RBMS3: variants seen among roughly 807,000 people sequenced by gnomAD.
The protein encoded by RBMS3 is RNA-binding motif, single-stranded-interacting protein 3.
Under a neutral mutation model 66.8 loss-of-function variants are expected in RBMS3, and 27 were observed. That is an observed-to-expected ratio of 0.40 (90% CI 0.30 to 0.56). The LOEUF is 0.56. Among genes scored for constraint, RBMS3 ranks in the 20% least tolerant of loss-of-function variants. The pLI is 0.40. For synonymous variants in RBMS3, 188 were observed against 183.0 expected (o/e 1.03, Z -0.22); for missense variants, 513 against 549.5 (o/e 0.93, Z 0.66).
intron 4 of RBMS3, chr3:29,642,595 T>A (rs2049760789): frequency 6.6e-6 from 1 of 151,988 alleles, no homozygotes; most frequent in Non-Finnish European, 1.5e-5. Flanking sequence ...CTGCAAACAT[T>A]TAGTCACTAG....
At chr3:29,385,001 G>A (rs1395685221) in intron 1 of RBMS3, among the ~76,000 whole-genome samples, 1 of 151,952 alleles carries the variant, frequency 6.6e-6, no homozygotes, top group Non-Finnish European at 1.5e-5. Flanking sequence ...ATGTGTTGCC[G>A]AACAAACCTC....
chr3:29,398,955 C>T (rs1398552113), intron 1 of RBMS3, among the ~76,000 whole-genome samples: 1 of 152,106 alleles, frequency 6.6e-6, no homozygotes, highest in Non-Finnish European at 1.5e-5. Flanking sequence ...CTGGGAAATG[C>T]TTATTGTGAG....
chr3:29,644,027 G>A (rs1405181196), intron 4 of RBMS3, among the ~76,000 whole-genome samples: 1 of 152,168 alleles, frequency 6.6e-6, no homozygotes, highest in Non-Finnish European at 1.5e-5. Flanking sequence ...GCAGTATGCC[G>A]CTTCTACCCC....
chr3:29,862,930 A>G (rs1218753699), intron 6 of RBMS3, among the ~76,000 whole-genome samples: 2 of 151,944 alleles, frequency 1.3e-5, no homozygotes, highest in East Asian at 3.9e-4. Flanking sequence ...TAATAAAGAT[A>G]TGATGAAGGG....
intron 1 of RBMS3, among the ~76,000 whole-genome samples, chr3:29,386,818 A>G (rs1348273228): frequency 5.9e-5 from 9 of 152,170 alleles, no homozygotes; most frequent in Non-Finnish European, 1.3e-4. Flanking sequence ...AGCCACTTCA[A>G]TCATGTTTTC....
chr3:29,843,042 C>T (rs879333577), intron 6 of RBMS3, among the ~76,000 whole-genome samples: 5 of 152,142 alleles, frequency 3.3e-5, no homozygotes, highest in Non-Finnish European at 5.9e-5. Flanking sequence ...TCTTTTACTC[C>T]AATTTCTTTC....
At chr3:29,846,094 G>A (rs1233579967) in intron 6 of RBMS3, among the ~76,000 whole-genome samples, 1 of 151,056 alleles carries the variant, frequency 6.6e-6, no homozygotes, top group Non-Finnish European at 1.5e-5. Context: ...TTCGATATTT[G>A]ATGTGGAACT....
At chr3:29,683,715 C>A (rs2051597459) in intron 4 of RBMS3, among the ~76,000 whole-genome samples, 1 of 152,194 alleles carries the variant, frequency 6.6e-6, no homozygotes, top group South Asian at 2.1e-4. Flanking sequence ...ATTTTCGGAA[C>A]TTGGGAACAG....
intron 6 of RBMS3, among the ~76,000 whole-genome samples, chr3:29,786,547 A>G (rs1242785019): frequency 6.6e-6 from 1 of 152,118 alleles, no homozygotes. Flanking sequence ...CCAAATACTT[A>G]CAACCAACTG....
chr3:29,739,691 T>TA, intron 4 of RBMS3, 29 bp from the exon 5 acceptor site: 1 of 1,549,906 alleles, frequency 6.5e-7, no homozygotes, highest in Non-Finnish European at 8.7e-7. Context: ...ACTCAGAACT[T>TA]ACCATATTTG....
intron 12 of RBMS3, among the ~76,000 whole-genome samples, chr3:29,950,950 A>G (rs1695646401): frequency 6.6e-6 from 1 of 151,866 alleles, no homozygotes; most frequent in African/African-American, 2.4e-5. Flanking sequence ...TAAAATACCC[A>G]GCTTAATCTA....
intron 1 of RBMS3, among the ~76,000 whole-genome samples, chr3:29,324,898 A>AT (rs955315361): frequency 4.1e-5 from 6 of 147,036 alleles, no homozygotes; most frequent in East Asian, 2.0e-4. Context: ...CCCCACTGTT[A>AT]TTTTTTTTTC....
rs899489600 is a variant in RBMS3, at chr3:29,565,901, A to T, written c.308-21213A>T. Among the ~76,000 whole-genome samples, 6 of 152,264 alleles carry T rather than the reference A, an allele frequency of 3.9e-5. No homozygotes were observed. The East Asian group carries it at 7.7e-4, about 20-fold the overall frequency. ...GCCAATGTCATGATTGTAGGGTTGG[A>T]GTTGCAAATTTAAAAGATTCTATGA... On this transcript the variant is annotated intron_variant, in intron 3 of 14. Transcript: ENST00000383767.
chr3:29,584,288 T>A (rs1576294709), intron 3 of RBMS3, among the ~76,000 whole-genome samples: 1 of 135,084 alleles, frequency 7.4e-6, no homozygotes, highest in East Asian at 4.1e-4. Flanking sequence ...CCTCTCTGAC[T>A]CTCCAGCTTT....
intron 10 of RBMS3, 49 bp from the exon 11 acceptor site, chr3:29,936,037 T>C (rs1403145055): frequency 8.3e-6 from 12 of 1,449,604 alleles, no homozygotes; most frequent in Non-Finnish European, 1.1e-5. Context: ...GTAAGAAGTC[T>C]CCTTCCTTGT....
chr3:29,399,274 A>C (rs2039697098), intron 1 of RBMS3, among the ~76,000 whole-genome samples: 1 of 152,104 alleles, frequency 6.6e-6, no homozygotes, highest in South Asian at 2.1e-4. Context: ...TATGTTTTCA[A>C]ACCACTGGCT....
chr3:29,587,024 G>A (rs1211706938), intron 3 of RBMS3, 90 bp from the exon 4 acceptor site: 2 of 942,900 alleles, frequency 2.1e-6, no homozygotes, highest in East Asian at 2.7e-5. Context: ...AGAAATGAAT[G>A]CAAGTCTATC....
intron 6 of RBMS3, among the ~76,000 whole-genome samples, chr3:29,837,334 G>A (rs1025255022): frequency 4.0e-5 from 6 of 151,664 alleles, no homozygotes; most frequent in Non-Finnish European, 2.9e-5. Context: ...TTTTACTGTG[G>A]ATTATTTTCC....
chr3:29,648,760 A>T (rs575300851), intron 4 of RBMS3, among the ~76,000 whole-genome samples: 1 of 152,160 alleles, frequency 6.6e-6, no homozygotes, highest in Non-Finnish European at 1.5e-5. Flanking sequence ...TTTACTTGTA[A>T]AAAAGCTTAC....
Sources: gnomAD v4.1 joint callset for allele counts (sites outside exome capture counted in the v4.1 genomes callset) on GRCh38, gnomAD v4.1.1 for gene constraint, MANE v1.5 for transcripts, NCBI Gene and HGNC (gene_info 2026-07-23, HGNC 2026-07-21) for gene names.